The following SCAF1 variants were observed in gnomAD, a reference collection of about 807,000 sequenced individuals.
SCAF1 encodes the protein SR-related CTD associated factor 1, also known as splicing factor, arginine/serine-rich 19.
In SCAF1, 28 loss-of-function variants were observed where a neutral mutation model predicts 91.2. The ratio of observed to expected loss-of-function variants is 0.31; its 90% CI spans 0.23 to 0.42. The LOEUF is 0.42. SCAF1 is among the 10% of genes least tolerant of loss of function. The pLI is 1.00. For synonymous variants in SCAF1, 1,036 were observed against 833.7 expected, an observed-to-expected ratio of 1.24 and a Z score of -4.18; for missense variants, 1,893 against 1,872.1, an observed-to-expected ratio of 1.01 and a Z score of -0.21.
In SCAF1 at chr19:49,652,373, GC is replaced by G. The variant is rs1450224582; in HGVS notation, c.1988del (p.Pro663ArgfsTer75). ...EKRSGDGSEK[A>X]PAPAPPPSGS... Reference sequence around the variant, plus strand: ...GCGGTCTGGGGATGGCAGCGAGAAGGCCCCGGCGCCCGCCCCGCCGCCCTCT... The same window carrying G: ...GCGGTCTGGGGATGGCAGCGAGAAGGCCCGGCGCCCGCCCCGCCGCCCTCT... On this transcript the variant is annotated frameshift_variant, in exon 7 of 11. Coordinates refer to ENST00000360565, the MANE Select transcript of SCAF1 (RefSeq NM_021228.3). LOFTEE classifies it high-confidence loss of function. The G allele has an allele frequency of 1.3e-6, 2 of 1,539,578 alleles. No individual in the cohort carries two copies. Among genetic ancestry groups the G allele is most frequent in the Admixed American group, 2.0e-5 (1 of 49,536 alleles).
chr19:49,652,061 C>T lies in SCAF1; in HGVS notation c.1672C>T (p.Arg558Trp), dbSNP rs1388026713. 1.6e-6 allele frequency: 2 copies of T among 1,226,314 alleles called. No individual in the cohort carries two copies. Among genetic ancestry groups the T allele is most frequent in the Non-Finnish European group, 2.1e-6 (2 of 970,004 alleles). The allele number at this position is 1,226,314 out of a possible 1,614,324, so 76.0% of individuals were successfully genotyped here. A position where few individuals can be genotyped will look rare whatever the true frequency, so the allele number is the denominator to read the frequency against. ...CTGGGACTCCAAGAAGCACCGCTCG[C>T]GGGACCGCAAGCCCGGCTCCCACGC... is the stretch of plus-strand genomic sequence containing the variant. ...SPWDSKKHRSRDRKPGSHASS... is the reference protein window; with the variant it reads ...SPWDSKKHRSWDRKPGSHASS... The change falls in exon 7 of 11, where the codon CGG becomes TGG. Residue 558 changes from arginine to tryptophan, a missense_variant. Around this residue, in one of 5 missense-constraint regions of SCAF1, gnomAD observed 1,436 missense variants for 1,306.8 expected, o/e 1.10. Coordinates refer to ENST00000360565, the MANE Select transcript of SCAF1 (RefSeq NM_021228.3).
rs540163767 is a variant in SCAF1 at position 49,645,691 on chromosome 19, C to T, written c.166+280C>T. ...CCGAGCAGGGACAGTGAACGGCTCT[C>T]TAAGGACCTAGAAGAGTCTAAGGAC... On this transcript the variant is annotated intron_variant, in intron 3 of 10. Transcript: ENST00000360565. The surrounding 1 kb of genome is among the most constrained non-coding windows in gnomAD (Gnocchi z 4.6). Among the ~76,000 whole-genome samples, 3 of 152,244 alleles carry T rather than the reference C, an allele frequency of 2.0e-5. No homozygotes were observed. In the South Asian group the frequency reaches 6.2e-4, roughly 32 times the overall value.
chr19:49,650,917 C>T lies in SCAF1; in HGVS notation c.528C>T (p.Thr176=), dbSNP rs759065000. 2 of 1,609,574 alleles carry T rather than the reference C, an allele frequency of 1.2e-6. No homozygotes were observed. The highest frequency in any genetic ancestry group is 2.2e-5 in the East Asian group (1 of 44,832). ...SSRPTCARHL[T]LGTGDGGPAP... ...GGCCCACCTGTGCCCGTCACCTCACCTTGGGCACGGGAGACGGGGGCCCTG... is the reference window on the plus strand; with the variant it reads ...GGCCCACCTGTGCCCGTCACCTCACTTTGGGCACGGGAGACGGGGGCCCTG... The change falls in exon 7 of 11, where the codon ACC becomes ACT. Residue 176 remains threonine, a synonymous_variant. Coordinates refer to ENST00000360565, the MANE Select transcript of SCAF1 (RefSeq NM_021228.3).
chr19:49,656,761 T>G (rs1340457534), intron 9 of SCAF1, among the ~76,000 whole-genome samples: 2 of 152,080 alleles, frequency 1.3e-5, no homozygotes, highest in East Asian at 3.9e-4. Flanking sequence ...CAGGCACAGC[T>G]CCCCTGGATT....
In SCAF1 at chr19:49,658,424, T is replaced by G; in HGVS notation, c.*25T>G. ...AGAGCCCTGGCCAGCTCTTCGCCCCTCACCTCTTTGAAACTCTGGACGTAT... is the reference window on the plus strand; with the variant it reads ...AGAGCCCTGGCCAGCTCTTCGCCCCGCACCTCTTTGAAACTCTGGACGTAT... On this transcript the variant is annotated 3_prime_UTR_variant, in exon 11 of 11. Transcript: ENST00000360565. The G allele has an allele frequency of 7.1e-7, 1 of 1,405,350 alleles. No homozygotes were observed. The highest frequency in any genetic ancestry group is 9.6e-7 in the Non-Finnish European group (1 of 1,038,852). 87.1% of individuals were successfully genotyped at this position (1,405,350 alleles called of 1,614,324 possible).
At chr19:49,648,708 C>A (rs1408238254) in intron 6 of SCAF1, among the ~76,000 whole-genome samples, 1 of 151,946 alleles carries the variant, frequency 6.6e-6, no homozygotes, top group Non-Finnish European at 1.5e-5. Flanking sequence ...CACGGTGGCT[C>A]ACGCCTGTAA....
In SCAF1 at chr19:49,649,237, G is replaced by C. The variant is rs2081072180; in HGVS notation, c.479-1631G>C. On this transcript the variant is annotated intron_variant, in intron 6 of 10. Coordinates refer to ENST00000360565, the MANE Select transcript of SCAF1 (RefSeq NM_021228.3). Reference sequence around the variant, plus strand: ...TGTCCCATACAGAAATTTATATAAAGCTGTGGATCTCGCGTGTTTGCAGAG... The same window carrying C: ...TGTCCCATACAGAAATTTATATAAACCTGTGGATCTCGCGTGTTTGCAGAG... Among the ~76,000 whole-genome samples the C allele has an allele frequency of 1.3e-5, 2 of 152,146 alleles. 1 individual carries two copies. The highest frequency in any genetic ancestry group is 4.1e-4 in the South Asian group (2 of 4,834).
At position 49,651,157 on chromosome 19, in the gene SCAF1, C is replaced by A. The variant is rs1465431318; in HGVS notation, c.768C>A (p.Ser256=). The A allele has an allele frequency of 2.7e-5, 43 of 1,613,278 alleles. No homozygotes were observed. Among genetic ancestry groups the A allele is most frequent in the Non-Finnish European group, 3.6e-5 (43 of 1,179,828 alleles). Residue 256 remains serine (S), a synonymous_variant, in exon 7 of 11, where the codon TCC becomes TCA. Coordinates refer to ENST00000360565, the MANE Select transcript of SCAF1 (RefSeq NM_021228.3). Reference sequence around the variant, plus strand: ...ACGACCCTTTTGAGCCCACCGGCTCCAACCCCAGCTCATCAGCGGGGACCC... The same window carrying A: ...ACGACCCTTTTGAGCCCACCGGCTCAAACCCCAGCTCATCAGCGGGGACCC... ...QKYDPFEPTG[S]NPSSSAGTPS...
rs1479453769 is a variant in SCAF1 at position 49,652,189 on chromosome 19, G to A, written c.1800G>A (p.Ser600=). The change falls in exon 7 of 11, where the codon TCG becomes TCA. Residue 600 remains serine (S), a synonymous_variant. Transcript: ENST00000360565. ...GCCGCCGCGGGGGCAGCCGCAGGTCGCGGTCCCGGGAGAAGCGGCGACGGC... is the reference window on the plus strand; with the variant it reads ...GCCGCCGCGGGGGCAGCCGCAGGTCACGGTCCCGGGAGAAGCGGCGACGGC... ...TDRRRGGSRR[S]RSREKRRRRR... is the part of the protein sequence containing the mutation. The A allele has an allele frequency of 1.6e-6, 2 of 1,235,422 alleles. No homozygotes were observed. The highest frequency in any genetic ancestry group is 3.6e-5 in the East Asian group (1 of 28,028). 76.5% of individuals were successfully genotyped at this position (1,235,422 alleles called of 1,614,324 possible).
chr19:49,658,249 G>T lies in SCAF1; in HGVS notation c.3789G>T (p.Val1263=). Residue 1263 remains valine (V), a synonymous_variant, in exon 11 of 11, where the codon GTG becomes GTT. Coordinates refer to ENST00000360565, the MANE Select transcript of SCAF1 (RefSeq NM_021228.3). ...GTGGGGAAATCAACCCAGTGAAGGT[G>T]AGCAACCTGGTGCGGGCCTACGTCC... ...SKSGEINPVK[V]SNLVRAYVQR... is the part of the protein sequence containing the mutation. 2 of 1,613,714 alleles carry T rather than the reference G, an allele frequency of 1.2e-6. No homozygotes were observed. The highest frequency in any genetic ancestry group is 2.7e-5 in the African/African-American group (2 of 75,024).
In SCAF1 at chr19:49,653,146, G is replaced by C. The variant is rs760431154; in HGVS notation, c.2757G>C (p.Lys919Asn). ...CCAAGGGGACCAAGGGAAAGACCAA[G>C]CCATCCAAGACCAGGAAAAAGGTCC... ...KKTKGTKGKT[K>N]PSKTRKKVRS... The change falls in exon 7 of 11, where the codon AAG becomes AAC. Residue 919 changes from lysine (K) to asparagine (N), a missense_variant. By Grantham distance (94) the Lys-to-Asn change is moderately conservative. This residue lies in a region of SCAF1 where 1,436 missense variants were observed against 1,306.8 expected (regional missense o/e 1.10). Transcript: ENST00000360565. The C allele has an allele frequency of 6.2e-7, 1 of 1,608,370 alleles. No individual in the cohort carries two copies. Among genetic ancestry groups the C allele is most frequent in the Non-Finnish European group, 8.5e-7 (1 of 1,177,590 alleles).
In SCAF1 at chr19:49,643,472, AACTGGT is replaced by A. The variant is rs1428254955; in HGVS notation, c.-7+1232_-7+1237del. 3.2e-4 allele frequency among the ~76,000 whole-genome samples: 48 copies of A among 152,338 alleles called. No individual in the cohort carries two copies. In the Middle Eastern group the frequency reaches 0.017, roughly 54 times the overall value. ...AAAACAAGCTATTTGTGAAGCACTA[AACTGGT>A]ATATGACCCTGTTGTTGGGGAAACC... is the stretch of plus-strand genomic sequence containing the variant. On this transcript the variant is annotated intron_variant, in intron 1 of 10. Transcript: ENST00000360565.
chr19:49,651,920 G>T lies in SCAF1; in HGVS notation c.1531G>T (p.Ala511Ser). 2 of 1,158,918 alleles carry T rather than the reference G, an allele frequency of 1.7e-6. No homozygotes were observed. Among genetic ancestry groups the T allele is most frequent in the South Asian group, 2.1e-5 (1 of 46,618 alleles). The allele number at this position is 1,158,918 out of a possible 1,614,324, so 71.8% of individuals were successfully genotyped here. ...PAPAPAPAAA[A>S]GPPTRKKSRR... is the part of the protein sequence containing the mutation. ...GCCCGCGCCCGCCCCGGCCGCCGCT[G>T]CTGGTCCGCCCACGCGCAAGAAGTC... The change falls in exon 7 of 11, where the codon GCT becomes TCT. Residue 511 changes from alanine (A) to serine (S), a missense_variant. Transcript: ENST00000360565.
rs2081058932 is a variant in SCAF1, at chr19:49,646,891, T to G, written c.478+61T>G. ...GTGGAGTTGTGTGGGGATCGGCTGT[T>G]TTTGGTAGTGATGGTAGCGGTGATC... On this transcript the variant is annotated intron_variant, in intron 6 of 10. Coordinates refer to ENST00000360565, the MANE Select transcript of SCAF1 (RefSeq NM_021228.3). This position sits in a 1 kb window ranked among gnomAD's most constrained non-coding sequence, Gnocchi z 5.6. The G allele has an allele frequency of 7.7e-7, 1 of 1,292,894 alleles. No homozygotes were observed. The highest frequency in any genetic ancestry group is 1.5e-5 in the African/African-American group (1 of 67,474). 80.1% of individuals were successfully genotyped at this position (1,292,894 alleles called of 1,614,324 possible). A position where few individuals can be genotyped will look rare whatever the true frequency, so the allele number is the denominator to read the frequency against.
Position 49,646,661 on chromosome 19 carries a change from C to T in SCAF1, c.362+35C>T. Reference sequence around the variant, plus strand: ...TGGGCAGCTGGAGTGGGAGAGGCCTCAGCGTGAGAGCCAGAAGCACCCCTG... The same window carrying T: ...TGGGCAGCTGGAGTGGGAGAGGCCTTAGCGTGAGAGCCAGAAGCACCCCTG... On this transcript the variant is annotated intron_variant, in intron 5 of 10. Coordinates refer to ENST00000360565, the MANE Select transcript of SCAF1 (RefSeq NM_021228.3). The surrounding 1 kb of genome is among the most constrained non-coding windows in gnomAD (Gnocchi z 5.6). The T allele has an allele frequency of 1.2e-6, 2 of 1,612,664 alleles. No individual in the cohort carries two copies. Among genetic ancestry groups the T allele is most frequent in the Non-Finnish European group, 1.7e-6 (2 of 1,178,770 alleles).
In SCAF1 at chr19:49,652,801, C is replaced by G; in HGVS notation, c.2412C>G (p.Ser804=). 1.2e-6 allele frequency: 2 copies of G among 1,613,738 alleles called. No homozygotes were observed. Among genetic ancestry groups the G allele is most frequent in the Non-Finnish European group, 1.7e-6 (2 of 1,179,918 alleles). The change falls in exon 7 of 11, where the codon TCC becomes TCG. Residue 804 remains serine, a synonymous_variant. Transcript: ENST00000360565. ...KARPPKESAP[S]SGPPPKPPVS... ...GGCCCCCCAAGGAGTCGGCGCCTTC[C>G]TCAGGGCCCCCGCCAAAGCCACCAG...
intron 6 of SCAF1, among the ~76,000 whole-genome samples, chr19:49,649,791 G>A (rs1024568719): frequency 2.0e-5 from 3 of 152,158 alleles, no homozygotes; most frequent in African/African-American, 7.2e-5. Flanking sequence ...CACCCCACCC[G>A]GCCATAAAGG....
rs1401823582 is a variant in SCAF1 at position 49,648,537 on chromosome 19, G to A, written c.478+1707G>A. Among the ~76,000 whole-genome samples the A allele has an allele frequency of 2.0e-5, 3 of 149,224 alleles. No homozygotes were observed. The East Asian group carries it at 5.9e-4, about 29-fold the overall frequency. ...GCCTCTCAAACTGCTGAGATCACAG[G>A]CATGAGCCACCATGCCTGCCACACC... is the stretch of plus-strand genomic sequence containing the variant. On this transcript the variant is annotated intron_variant, in intron 6 of 10. Coordinates refer to ENST00000360565, the MANE Select transcript of SCAF1 (RefSeq NM_021228.3).
chr19:49,646,218 G>C lies in SCAF1; in HGVS notation c.261+16G>C. ...CACGGCTACTGTGAGTAAGAAGAGG[G>C]GGCTGGGGGCCTGGCTCACGGGTAT... On this transcript the variant is annotated intron_variant, in intron 4 of 10. Coordinates refer to ENST00000360565, the MANE Select transcript of SCAF1 (RefSeq NM_021228.3). This position sits in a 1 kb window ranked among gnomAD's most constrained non-coding sequence, Gnocchi z 5.6. The C allele has an allele frequency of 6.3e-7, 1 of 1,596,564 alleles. No homozygotes were observed. Among genetic ancestry groups the C allele is most frequent in the East Asian group, 2.2e-5 (1 of 44,806 alleles).
Sources: gnomAD v4.1 joint callset for allele counts (sites outside exome capture counted in the v4.1 genomes callset) on GRCh38, gnomAD v4.1.1 for gene constraint, gnomAD v4.1.1 regional missense constraint, Gnocchi (gnomAD v3.1) non-coding constraint, MANE v1.5 for transcripts, NCBI Gene and HGNC (gene_info 2026-07-23, HGNC 2026-07-21) for gene names.